The following CSMD2 variants were observed in gnomAD, a reference collection of about 807,000 sequenced individuals.
CSMD2 encodes the protein CUB and sushi domain-containing protein 2.
Under a neutral mutation model 398.5 loss-of-function variants are expected in CSMD2, and 130 were observed. The ratio of observed to expected loss-of-function variants is 0.33; its 90% CI spans 0.28 to 0.38. CSMD2 has a LOEUF of 0.38. Among genes scored for constraint, CSMD2 ranks in the 10% least tolerant of loss-of-function variants. The pLI is 1.00. For synonymous variants in CSMD2, 1,828 were observed against 1,908.5 expected, an observed-to-expected ratio of 0.96 and a Z score of 1.10; for missense variants, 3,829 against 4,764.9, an observed-to-expected ratio of 0.80 and a Z score of 5.78.
At position 33,936,449 on chromosome 1, in the gene CSMD2, C is replaced by T. The variant is rs554507198; in HGVS notation, c.518-495G>A. On this transcript the variant is annotated intron_variant, in intron 3 of 70. Coordinates refer to ENST00000373381, the MANE Select transcript of CSMD2 (RefSeq NM_001281956.2). Reference sequence around the variant, plus strand: ...CAGCCAGAGGGGCACTTTGGCCCCGCAGGTTCAGGGGAGTTGAAAGGGTTG... The same window carrying T: ...CAGCCAGAGGGGCACTTTGGCCCCGTAGGTTCAGGGGAGTTGAAAGGGTTG... Among the ~76,000 whole-genome samples, 16 of 152,290 alleles carry T rather than the reference C, an allele frequency of 1.1e-4. No homozygotes were observed. In the East Asian group the frequency reaches 2.9e-3, roughly 28 times the overall value.
Position 34,095,842 on chromosome 1 carries a change from C to A in CSMD2, c.188-6649G>T, listed in dbSNP as rs1189369998. 2.6e-5 allele frequency among the ~76,000 whole-genome samples: 4 copies of A among 151,740 alleles called. No homozygotes were observed. The East Asian group carries it at 7.8e-4, about 29-fold the overall frequency. On this transcript the variant is annotated intron_variant, in intron 1 of 70. Transcript: ENST00000373381. ...ATTCTACCAGAGGTACAAGGAGGAA[C>A]TGGTACCATTCCTTCTGAAACTATT... is the stretch of plus-strand genomic sequence containing the variant.
At chr1:33,795,854 T>C (rs1426274383) in intron 10 of CSMD2, among the ~76,000 whole-genome samples, 2 of 152,236 alleles carry the variant, frequency 1.3e-5, no homozygotes, top group Non-Finnish European at 2.9e-5. Flanking sequence ...GGAGAACAAT[T>C]TCCAAAGCTT....
At position 33,890,894 on chromosome 1, in the gene CSMD2, T is replaced by C. The variant is rs1184309057; in HGVS notation, c.920+27200A>G. Among the ~76,000 whole-genome samples the C allele has an allele frequency of 2.6e-5, 4 of 152,164 alleles. No individual in the cohort carries two copies. The East Asian group carries it at 7.7e-4, about 29-fold the overall frequency. ...TCCTTACACCTTATACAAAAATTAA[T>C]TCAAGATGGATTAAAGACTTAAATA... On this transcript the variant is annotated intron_variant, in intron 5 of 70. Coordinates refer to ENST00000373381, the MANE Select transcript of CSMD2 (RefSeq NM_001281956.2).
intron 15 of CSMD2, among the ~76,000 whole-genome samples, chr1:33,736,690 C>G (rs1309414399): frequency 1.3e-5 from 2 of 152,148 alleles, no homozygotes; most frequent in Non-Finnish European, 2.9e-5. Flanking sequence ...TGGGACTAAG[C>G]CCCTGCAGGC....
intron 1 of CSMD2, among the ~76,000 whole-genome samples, chr1:34,098,416 T>TAAAA (rs1366394298): frequency 1.1e-4 from 15 of 137,250 alleles, no homozygotes; most frequent in Admixed American, 5.1e-4. Context: ...AGTATAATAA[T>TAAAA]AAAAAAATAA....
intron 1 of CSMD2, among the ~76,000 whole-genome samples, chr1:34,123,715 T>C (rs1662452217): frequency 6.6e-6 from 1 of 152,012 alleles, no homozygotes. Flanking sequence ...CACTGCTTAA[T>C]GTGTGGAGAA....
At chr1:33,610,144 T>C (rs1344543590) in intron 41 of CSMD2, among the ~76,000 whole-genome samples, 2 of 152,164 alleles carry the variant, frequency 1.3e-5, no homozygotes, top group Non-Finnish European at 2.9e-5. Context: ...TTCTGCTGTT[T>C]GTAAGGCACT....
intron 1 of CSMD2, among the ~76,000 whole-genome samples, chr1:34,156,115 T>C (rs932687337): frequency 2.6e-5 from 4 of 152,214 alleles, no homozygotes; most frequent in African/African-American, 7.2e-5. Context: ...GATGCCAACA[T>C]TGAGATGTCT....
intron 2 of CSMD2, among the ~76,000 whole-genome samples, chr1:34,086,894 C>T (rs764929090): frequency 6.6e-6 from 1 of 152,098 alleles, no homozygotes; most frequent in Non-Finnish European, 1.5e-5. Flanking sequence ...CCCAGCCTCA[C>T]TTTTTCCCTT....
intron 41 of CSMD2, among the ~76,000 whole-genome samples, chr1:33,610,413 C>T (rs1640917140): frequency 6.6e-6 from 1 of 152,178 alleles, no homozygotes; most frequent in African/African-American, 2.4e-5. Context: ...AGGTTGGGCA[C>T]AATCTCCACA....
intron 39 of CSMD2, among the ~76,000 whole-genome samples, chr1:33,615,820 C>T (rs1641349051): frequency 6.6e-6 from 1 of 152,242 alleles, no homozygotes; most frequent in African/African-American, 2.4e-5. Context: ...GGTGAAACCA[C>T]AGAAGAGAAA....
chr1:33,516,917 A>G (rs888070039), intron 70 of CSMD2, among the ~76,000 whole-genome samples: 10 of 143,184 alleles, frequency 7.0e-5, no homozygotes, highest in Admixed American at 6.9e-4. Context: ...AAAAAAAAAA[A>G]TGACTAGGAT....
intron 3 of CSMD2, among the ~76,000 whole-genome samples, chr1:34,027,677 A>G (rs936520601): frequency 3.3e-5 from 5 of 152,242 alleles, no homozygotes; most frequent in African/African-American, 1.2e-4. Flanking sequence ...AATCAGGGCT[A>G]CTTTTATTAA....
At chr1:33,805,450 AC>A (rs1656111825) in intron 10 of CSMD2, among the ~76,000 whole-genome samples, 1 of 152,170 alleles carries the variant, frequency 6.6e-6, no homozygotes, top group African/African-American at 2.4e-5. Context: ...GGTTCCAGGC[AC>A]CCGGACCAAA....
chr1:33,979,986 C>T (rs560636207), intron 3 of CSMD2, among the ~76,000 whole-genome samples: 7 of 152,188 alleles, frequency 4.6e-5, no homozygotes, highest in Admixed American at 2.0e-4. Flanking sequence ...GTTCTGTGCC[C>T]GCTTTAGAGA....
chr1:33,878,414 A>C (rs1481028915), intron 5 of CSMD2: 2 of 152,270 alleles, frequency 1.3e-5, no homozygotes, highest in Admixed American at 6.5e-5. Context: ...AGAAGCCAAC[A>C]TGGGCCTCCC....
intron 4 of CSMD2, among the ~76,000 whole-genome samples, chr1:33,919,182 A>G (rs368351558): frequency 8.5e-5 from 13 of 152,210 alleles, no homozygotes; most frequent in East Asian, 7.7e-4. Context: ...TTTAGGAAGC[A>G]GAATCTCCAG....
At chr1:34,063,971 C>T (rs568507487) in intron 2 of CSMD2, among the ~76,000 whole-genome samples, 9 of 152,358 alleles carry the variant, frequency 5.9e-5, no homozygotes, top group African/African-American at 1.9e-4. Flanking sequence ...CTTCCACCCT[C>T]TGAAGCCACA....
chr1:33,879,635 G>T (rs946795076), intron 5 of CSMD2, among the ~76,000 whole-genome samples: 8 of 152,082 alleles, frequency 5.3e-5, no homozygotes, highest in Admixed American at 3.3e-4. Context: ...AGCAAGCATT[G>T]GTGTCTCTCC....
Sources: allele counts gnomAD v4.1 joint callset (sites outside exome capture counted in the v4.1 genomes callset), GRCh38; gene constraint gnomAD v4.1.1; transcripts MANE v1.5; gene names NCBI Gene and HGNC (gene_info 2026-07-23, HGNC 2026-07-21).